Variants in PAPPA2 observed in about 807,000 individuals in gnomAD.
PAPPA2 encodes the protein pappalysin-2.
In PAPPA2, 86 loss-of-function variants were observed where a neutral mutation model predicts 176.4. The ratio of observed to expected loss-of-function variants is 0.49; its 90% confidence interval spans 0.41 to 0.58. PAPPA2 has a LOEUF of 0.58. Ranked by LOEUF, PAPPA2 falls within the 20% of genes least tolerant of loss-of-function variation. The probability of loss-of-function intolerance (pLI) is 0.00; values close to 1 mark genes in which losing one functional copy is unlikely to be tolerated. For synonymous variants in PAPPA2, 809 were observed against 852.2 expected (o/e 0.95, Z 0.88); for missense variants, 2,073 against 2,256.9 (o/e 0.92, Z 1.65).
chr1:176,737,039 T>G (rs1434741187), intron 12 of PAPPA2, among the ~76,000 whole-genome samples: 2 of 152,090 alleles, frequency 1.3e-5, no homozygotes, highest in Admixed American at 1.3e-4. Flanking sequence ...TTTATTTTTT[T>G]TACCTTTTTC....
rs151182042 is a variant in PAPPA2, at chr1:176,739,712, G to A, written c.3885G>A (p.Pro1295=). ...DGLVPGEHQQ[P]TVTLYLTDVR... ...TAGTTCCCGGAGAGCATCAGCAGCC[G>A]ACAGTGACTCTCTACCTGACCGATG... The change falls in exon 13 of 23, where the codon CCG becomes CCA. Residue 1295 remains proline (P), a synonymous_variant. Transcript: ENST00000367662. 15 of 1,613,632 alleles carry A rather than the reference G, an allele frequency of 9.3e-6. No individual in the cohort carries two copies. The highest frequency in any genetic ancestry group is 8.9e-5 in the East Asian group (4 of 44,850).
rs35029858 is a variant in PAPPA2 at position 176,781,365 on chromosome 1, CTTTTTTTTTTTTT to C, written c.4716-8423_4716-8411del. ...CATGTGAGAAGAGCTTTGTAAGGGG[CTTTTTTTTTTTTT>C]TTTTTTTTTTTTTTTTTTTTGTCAG... On this transcript the variant is annotated intron_variant, in intron 17 of 22. Coordinates refer to ENST00000367662, the MANE Select transcript of PAPPA2 (RefSeq NM_020318.3). Among the ~76,000 whole-genome samples, 46 of 46,240 alleles carry C rather than the reference CTTTTTTTTTTTTT, an allele frequency of 9.9e-4. No homozygotes were observed. In the East Asian group the frequency reaches 0.011, roughly 11 times the overall value. The allele number at this position is 46,240 out of a possible 152,430, so 30.3% of individuals were successfully genotyped here. A position where few individuals can be genotyped will look rare whatever the true frequency, so the allele number is the denominator to read the frequency against.
At chr1:176,711,761 C>T in intron 11 of PAPPA2, 74 bp from the exon 12 acceptor site, 2 of 1,482,796 alleles carry the variant, frequency 1.3e-6, no homozygotes, top group Non-Finnish European at 1.9e-6. Context: ...TTGCTTTGAG[C>T]TGGAGAGTTT....
intron 3 of PAPPA2, among the ~76,000 whole-genome samples, chr1:176,656,031 A>G (rs992984006): frequency 1.3e-5 from 2 of 151,868 alleles, no homozygotes; most frequent in African/African-American, 4.8e-5. Flanking sequence ...TATTGTCTGC[A>G]GATTTTCAGA....
chr1:176,597,337 G>C (rs1001646209), intron 3 of PAPPA2, among the ~76,000 whole-genome samples: 1 of 152,128 alleles, frequency 6.6e-6, no homozygotes, highest in Non-Finnish European at 1.5e-5. Context: ...TAGCTCTAAA[G>C]TTTTCAAAGC....
At chr1:176,668,291 G>A (rs1292439571) in intron 3 of PAPPA2, among the ~76,000 whole-genome samples, 2 of 152,270 alleles carry the variant, frequency 1.3e-5, no homozygotes, top group East Asian at 3.9e-4. Flanking sequence ...GAGAGCATGA[G>A]GAAAGGTAGA....
intron 1 of PAPPA2, among the ~76,000 whole-genome samples, chr1:176,468,855 G>A (rs545078649): frequency 2.6e-5 from 4 of 152,088 alleles, no homozygotes; most frequent in Non-Finnish European, 5.9e-5. Context: ...CCTTTAAAAA[G>A]TTTTGTCTCA....
chr1:176,625,114 A>G (rs1227180222), intron 3 of PAPPA2, among the ~76,000 whole-genome samples: 1 of 152,208 alleles, frequency 6.6e-6, no homozygotes, highest in Non-Finnish European at 1.5e-5. Context: ...AGGAAATTGG[A>G]CAGTAGACTT....
At chr1:176,611,523 A>G (rs1238121497) in intron 3 of PAPPA2, among the ~76,000 whole-genome samples, 2 of 152,198 alleles carry the variant, frequency 1.3e-5, no homozygotes, top group South Asian at 4.1e-4. Flanking sequence ...AAAAGTCATC[A>G]TCCCTAATTC....
chr1:176,543,157 C>A (rs944452454), intron 1 of PAPPA2, among the ~76,000 whole-genome samples: 5 of 152,096 alleles, frequency 3.3e-5, no homozygotes, highest in African/African-American at 4.8e-5. Context: ...CGTTCCCCGT[C>A]GTCTTGGGGG....
chr1:176,704,364 C>T (rs10798474), intron 9 of PAPPA2, among the ~76,000 whole-genome samples: 27,551 of 152,126 alleles, frequency 0.18, 2,641 homozygotes, highest in Middle Eastern at 0.23. Flanking sequence ...CCACATTACA[C>T]GTAAAACAAG....
chr1:176,659,993 T>A (rs1197886226), intron 3 of PAPPA2, among the ~76,000 whole-genome samples: 1 of 152,144 alleles, frequency 6.6e-6, no homozygotes, highest in African/African-American at 2.4e-5. Flanking sequence ...TTTAAACAAT[T>A]TTAAGGCTGT....
intron 3 of PAPPA2, among the ~76,000 whole-genome samples, chr1:176,632,100 A>T (rs1573161293): frequency 6.6e-6 from 1 of 152,304 alleles, no homozygotes; most frequent in Middle Eastern, 3.4e-3. Context: ...TTGGCTTGGT[A>T]GATGGTTTAG....
At chr1:176,797,649 T>A (rs1303014266) in intron 20 of PAPPA2, among the ~76,000 whole-genome samples, 1 of 151,592 alleles carries the variant, frequency 6.6e-6, no homozygotes, top group African/African-American at 2.4e-5. Context: ...TCAAAAAATA[T>A]ATATATAAAT....
At chr1:176,516,990 C>T (rs1019814446) in intron 1 of PAPPA2, among the ~76,000 whole-genome samples, 2 of 152,176 alleles carry the variant, frequency 1.3e-5, no homozygotes, top group Admixed American at 6.5e-5. Flanking sequence ...TGATTTCCAG[C>T]ATGAATGAAA....
intron 17 of PAPPA2, among the ~76,000 whole-genome samples, chr1:176,782,938 T>G (rs1482046009): frequency 1.3e-5 from 2 of 152,090 alleles, no homozygotes; most frequent in African/African-American, 2.4e-5. Context: ...CAGAAACACC[T>G]GGGAGGTAAA....
In PAPPA2 at chr1:176,828,161, A is replaced by G. The variant is rs933453111; in HGVS notation, c.5203-12012A>G. ...GGCTCTATCGTCAGACACATTCCCT[A>G]TCATCGTGATCAGACACATTATCAT... On this transcript the variant is annotated intron_variant, in intron 21 of 22. Coordinates refer to ENST00000367662, the MANE Select transcript of PAPPA2 (RefSeq NM_020318.3). Among the ~76,000 whole-genome samples the G allele has an allele frequency of 2.0e-5, 3 of 152,254 alleles. No homozygotes were observed. The South Asian group carries it at 6.2e-4, about 32-fold the overall frequency.
intron 21 of PAPPA2, among the ~76,000 whole-genome samples, chr1:176,802,935 AG>A (rs1238204923): frequency 2.6e-5 from 4 of 152,202 alleles, no homozygotes; most frequent in Non-Finnish European, 5.9e-5. Flanking sequence ...TTCTTATGTT[AG>A]GTCATAAGCC....
At chr1:176,543,541 T>C (rs770868212) in intron 1 of PAPPA2, among the ~76,000 whole-genome samples, 8 of 152,092 alleles carry the variant, frequency 5.3e-5, no homozygotes, top group African/African-American at 9.7e-5. Flanking sequence ...TGTGGAGGTT[T>C]AGCTCAGCTT....
Sources: allele counts gnomAD v4.1 joint callset (sites outside exome capture counted in the v4.1 genomes callset), GRCh38; gene constraint gnomAD v4.1.1; transcripts MANE v1.5; gene names NCBI Gene and HGNC (gene_info 2026-07-23, HGNC 2026-07-21).